FOXF2: variants seen among roughly 807,000 people sequenced by gnomAD.
FOXF2 encodes forkhead box protein F2.
Under a neutral mutation model 29.1 loss-of-function variants are expected in FOXF2, and 15 were observed. The ratio of observed to expected loss-of-function variants is 0.52; its 90% CI spans 0.35 to 0.79. The LOEUF is 0.79. Among genes scored for constraint, FOXF2 ranks in the 30% least tolerant of loss-of-function variants. FOXF2 has a pLI of 0.01. For synonymous variants in FOXF2, 337 were observed against 316.5 expected, an observed-to-expected ratio of 1.06 and a Z score of -0.69; for missense variants, 675 against 667.1, an observed-to-expected ratio of 1.01 and a Z score of -0.13.
Position 1,390,305 on chromosome 6 carries a change from C to A in FOXF2, c.358C>A (p.Arg120Ser). The A allele has an allele frequency of 1.2e-6, 2 of 1,613,054 alleles. No homozygotes were observed. Among genetic ancestry groups the A allele is most frequent in the Non-Finnish European group, 8.5e-7 (1 of 1,179,866 alleles). Residue 120 changes from arginine to serine, a missense_variant, in exon 1 of 2, where the codon CGC (arginine) becomes AGC (serine). By Grantham distance (110) the Arg-to-Ser change is moderately radical. Coordinates refer to ENST00000645481, the MANE Select transcript of FOXF2 (RefSeq NM_001452.2). This position sits in a 1 kb window ranked among gnomAD's most constrained non-coding sequence, Gnocchi z 8.5. ...GGCCATCCAGAGCTCGCCCAGCAAG[C>A]GCCTGACGCTCAGCGAGATCTACCA... ...VMAIQSSPSK[R>S]LTLSEIYQFL...
intron 1 of FOXF2, among the ~76,000 whole-genome samples, chr6:1,392,879 C>A (rs1758820977): frequency 1.3e-5 from 2 of 152,208 alleles, no homozygotes; most frequent in Non-Finnish European, 2.9e-5. Flanking sequence ...TGGGAACGCC[C>A]GGGGGAGACA....
rs1561786389 is a variant in FOXF2 at position 1,394,789 on chromosome 6, C to T, written c.1265C>T (p.Ser422Leu). Reference sequence around the variant, plus strand: ...AATGGGATTTCTTCTTTCCATCCCTCAGCTAGCGGGTCGTATTATCACCAT... The same window carrying T: ...AATGGGATTTCTTCTTTCCATCCCTTAGCTAGCGGGTCGTATTATCACCAT... ...NFNGISSFHP[S>L]ASGSYYHHHH... Residue 422 changes from serine (S) to leucine (L), a missense_variant, in exon 2 of 2, where the codon TCA (serine) becomes TTA (leucine). Ser to Leu is a moderately radical substitution (Grantham distance 145). Coordinates refer to ENST00000645481, the MANE Select transcript of FOXF2 (RefSeq NM_001452.2). 1.2e-6 allele frequency: 2 copies of T among 1,614,098 alleles called. No individual in the cohort carries two copies. The highest frequency in any genetic ancestry group is 3.3e-5 in the Admixed American group (2 of 60,018).
At position 1,390,189 on chromosome 6, in the gene FOXF2, C is replaced by CGGGCGCCGGGAGCGG; in HGVS notation, c.250_264dup (p.Gly84_Ala88dup). ...TGCAAGAGCGCGGGCGGCGGCGGCGCGGGCGCCGGGAGCGGGGGCGCCAAG... is the reference window on the plus strand; with the variant it reads ...TGCAAGAGCGCGGGCGGCGGCGGCGCGGGCGCCGGGAGCGGGGGCGCCGGGAGCGGGGGCGCCAAG... On this transcript the variant is annotated inframe_insertion, in exon 1 of 2. Coordinates refer to ENST00000645481, the MANE Select transcript of FOXF2 (RefSeq NM_001452.2). This position sits in a 1 kb window ranked among gnomAD's most constrained non-coding sequence, Gnocchi z 8.5. 1.4e-6 allele frequency: 2 copies of CGGGCGCCGGGAGCGG among 1,473,442 alleles called. No individual in the cohort carries two copies. Among genetic ancestry groups the CGGGCGCCGGGAGCGG allele is most frequent in the Non-Finnish European group, 1.8e-6 (2 of 1,114,986 alleles). The allele number at this position is 1,473,442 out of a possible 1,614,324, so 91.3% of individuals were successfully genotyped here.
At position 1,395,296 on chromosome 6, in the gene FOXF2, AG is replaced by A. The variant is rs1458950574; in HGVS notation, c.*438del. 4 of 188,980 alleles carry A rather than the reference AG, an allele frequency of 2.1e-5. No homozygotes were observed. The highest frequency in any genetic ancestry group is 4.7e-5 in the African/African-American group (2 of 42,714). The allele number at this position is 188,980 out of a possible 1,614,324, so 11.7% of individuals were successfully genotyped here. A position where few individuals can be genotyped will look rare whatever the true frequency, so the allele number is the denominator to read the frequency against. On this transcript the variant is annotated 3_prime_UTR_variant, in exon 2 of 2. Transcript: ENST00000645481. ...TCAAGAAAGCCTCTTCTTGTTGCCT[AG>A]CTGAGTGGGAGAGTCATTTTCCCCA...
intron 1 of FOXF2, among the ~76,000 whole-genome samples, chr6:1,393,084 G>A (rs188833389): frequency 0.021 from 3,255 of 152,296 alleles, 63 homozygotes; most frequent in Admixed American, 0.079. Flanking sequence ...ACTGAGGCCT[G>A]GGGGCCCGGC....
Position 1,394,726 on chromosome 6 carries a change from C to T in FOXF2, c.1202C>T (p.Thr401Ile). The T allele has an allele frequency of 1.9e-6, 3 of 1,614,124 alleles. No homozygotes were observed. Among genetic ancestry groups the T allele is most frequent in the Non-Finnish European group, 1.7e-6 (2 of 1,179,980 alleles). The change falls in exon 2 of 2, where the codon ACT becomes ATT. Residue 401 changes from threonine (T) to isoleucine (I), a missense_variant. Physicochemically the swap from Thr to Ile is moderately conservative, Grantham distance 89. Around this residue, in one of 3 missense-constraint regions of FOXF2, gnomAD observed 451 missense variants for 437.2 expected, o/e 1.03. Coordinates refer to ENST00000645481, the MANE Select transcript of FOXF2 (RefSeq NM_001452.2). ...CTGCCCCGTTACCAGCATCACTCTA[C>T]TCCAGTGTGTGACAGAAAAGATTTC... ...VGLPRYQHHS[T>I]PVCDRKDFVL...
chr6:1,392,433 A>ATCACTC (rs200959948), intron 1 of FOXF2, among the ~76,000 whole-genome samples: 10 of 86,302 alleles, frequency 1.2e-4, no homozygotes, highest in Non-Finnish European at 2.1e-4. Context: ...CCGGCTGTCA[A>ATCACTC]TCACACACAC....
At chr6:1,393,526 G>A (rs1030238611) in intron 1 of FOXF2, among the ~76,000 whole-genome samples, 1 of 152,148 alleles carries the variant, frequency 6.6e-6, no homozygotes, top group Non-Finnish European at 1.5e-5. Flanking sequence ...GCAGCGCCGG[G>A]TGTGTTCGGG....
At chr6:1,391,912 C>T (rs972336206) in intron 1 of FOXF2, among the ~76,000 whole-genome samples, 2 of 152,082 alleles carry the variant, frequency 1.3e-5, no homozygotes, top group African/African-American at 2.4e-5. Flanking sequence ...TTGCTGAAGG[C>T]GGTGAAAGGT....
chr6:1,392,669 A>C (rs1758813608), intron 1 of FOXF2, among the ~76,000 whole-genome samples: 1 of 152,120 alleles, frequency 6.6e-6, no homozygotes, highest in African/African-American at 2.4e-5. Context: ...GAGACTCCTG[A>C]CCCTTCCTCA....
intron 1 of FOXF2, 37 bp from the exon 2 acceptor site, chr6:1,394,659 T>G: frequency 6.2e-7 from 1 of 1,611,782 alleles, no homozygotes; most frequent in Non-Finnish European, 8.5e-7. Context: ...TGGATGACTT[T>G]GTTTCTGAAG....
intron 1 of FOXF2, among the ~76,000 whole-genome samples, chr6:1,392,504 C>T (rs60908251): frequency 2.6e-5 from 4 of 151,094 alleles, no homozygotes. Flanking sequence ...CCCTTCCCTT[C>T]CCCGCCTGCC....
Position 1,390,735 on chromosome 6 carries a change from C to G in FOXF2, c.788C>G (p.Ala263Gly). Reference sequence around the variant, plus strand: ...GCCGGCGCGGGCGCCCCCAGCCACGCGCACCCTCACCACCACCACCACCAC... The same window carrying G: ...GCCGGCGCGGGCGCCCCCAGCCACGGGCACCCTCACCACCACCACCACCAC... ...YDAGAGAPSH[A>G]HPHHHHHHHV... Residue 263 changes from alanine (A) to glycine (G), a missense_variant, in exon 1 of 2, where the codon GCG (alanine) becomes GGG (glycine). Physicochemically the swap from Ala to Gly is moderately conservative, Grantham distance 60. Coordinates refer to ENST00000645481, the MANE Select transcript of FOXF2 (RefSeq NM_001452.2). The surrounding 1 kb of genome is among the most constrained non-coding windows in gnomAD (Gnocchi z 8.5). 1 of 1,425,974 alleles carries G rather than the reference C, an allele frequency of 7.0e-7. No individual in the cohort carries two copies. Among genetic ancestry groups the G allele is most frequent in the Non-Finnish European group, 9.1e-7 (1 of 1,102,170 alleles). 88.3% of individuals were successfully genotyped at this position (1,425,974 alleles called of 1,614,324 possible).
At chr6:1,393,436 T>G (rs1337388952) in intron 1 of FOXF2, among the ~76,000 whole-genome samples, 2 of 151,714 alleles carry the variant, frequency 1.3e-5, no homozygotes, top group East Asian at 3.9e-4. Flanking sequence ...AGAACTTGCT[T>G]TAACGCGACG....
intron 1 of FOXF2, among the ~76,000 whole-genome samples, chr6:1,392,570 G>A (rs115848658): frequency 0.013 from 2,023 of 151,410 alleles, 42 homozygotes; most frequent in African/African-American, 0.042. Flanking sequence ...CTCCTCTCCC[G>A]GCAGATCCAC....
In FOXF2 at chr6:1,390,001, G is replaced by C. The variant is rs1421783386; in HGVS notation, c.54G>C (p.Pro18=). 26 of 1,094,006 alleles carry C rather than the reference G, an allele frequency of 2.4e-5. No homozygotes were observed. Among genetic ancestry groups the C allele is most frequent in the Non-Finnish European group, 2.9e-5 (26 of 906,974 alleles). The allele number at this position is 1,094,006 out of a possible 1,614,324, so 67.8% of individuals were successfully genotyped here. A position where few individuals can be genotyped will look rare whatever the true frequency, so the allele number is the denominator to read the frequency against. The change falls in exon 1 of 2, where the codon CCG becomes CCC. Residue 18 remains proline, a synonymous_variant. Transcript: ENST00000645481. This position sits in a 1 kb window ranked among gnomAD's most constrained non-coding sequence, Gnocchi z 8.5. ...CCCCGCTCCGCCGCGCGTGCAGCCCGGTCCCCGGCGCGCTCCAGGCCGCCC... is the reference window on the plus strand; with the variant it reads ...CCCCGCTCCGCCGCGCGTGCAGCCCCGTCCCCGGCGCGCTCCAGGCCGCCC... ...PPAPLRRACS[P]VPGALQAALM... is the part of the protein sequence containing the mutation.
At chr6:1,392,438 A>ACT (rs1758807788) in intron 1 of FOXF2, among the ~76,000 whole-genome samples, 2 of 41,676 alleles carry the variant, frequency 4.8e-5, no homozygotes, top group East Asian at 4.4e-4. Flanking sequence ...TGTCAATCAC[A>ACT]CACACACACA....
chr6:1,391,213 A>G, intron 1 of FOXF2, 95 bp downstream of exon 1: 1 of 1,558,794 alleles, frequency 6.4e-7, no homozygotes, highest in Non-Finnish European at 8.6e-7. Context: ...AGGGACCCCG[A>G]AGCTAGGAGG....
chr6:1,395,590 A>G lies in FOXF2; in HGVS notation c.*731A>G. 6.5e-6 allele frequency: 1 copy of G among 152,686 alleles called. No individual in the cohort carries two copies. The highest frequency in any genetic ancestry group is 1.5e-5 in the Non-Finnish European group (1 of 68,062). The allele number at this position is 152,686 out of a possible 1,614,324, so 9.5% of individuals were successfully genotyped here. On this transcript the variant is annotated 3_prime_UTR_variant, in exon 2 of 2. Transcript: ENST00000645481. ...GTAAAATTTTTTTTCAATAAAATGTATATAACAAATAGTTGTTTTAGGGGC... is the reference window on the plus strand; with the variant it reads ...GTAAAATTTTTTTTCAATAAAATGTGTATAACAAATAGTTGTTTTAGGGGC...
Sources: allele counts gnomAD v4.1 joint callset (sites outside exome capture counted in the v4.1 genomes callset), GRCh38; gene constraint gnomAD v4.1.1; regional missense constraint gnomAD v4.1.1; non-coding constraint Gnocchi (gnomAD v3.1); transcripts MANE v1.5; gene names NCBI Gene and HGNC (gene_info 2026-07-23, HGNC 2026-07-21).